RBPMS: variants seen among roughly 807,000 people sequenced by gnomAD.
RBPMS encodes the protein RNA binding protein, mRNA processing factor, also known as RNA-binding protein with multiple splicing.
Under a neutral mutation model 26.8 loss-of-function variants are expected in RBPMS, and 7 were observed. That is an observed-to-expected ratio of 0.26 (90% CI 0.15 to 0.49). The LOEUF (loss-of-function observed/expected upper bound fraction) is 0.49. RBPMS is among the 20% of genes least tolerant of loss of function. RBPMS has a pLI of 0.98. For synonymous variants in RBPMS, 96 were observed against 93.3 expected, an observed-to-expected ratio of 1.03 and a Z score of -0.17; for missense variants, 186 against 250.0, an observed-to-expected ratio of 0.74 and a Z score of 1.73.
At chr8:30,493,497 C>A (rs1389147774) in intron 4 of RBPMS, among the ~76,000 whole-genome samples, 1 of 151,814 alleles carries the variant, frequency 6.6e-6, no homozygotes, top group Admixed American at 6.6e-5. Flanking sequence ...TTATGCCTAC[C>A]AGAGCAGTTG....
chr8:30,449,292 T>C (rs1814253997), intron 1 of RBPMS, among the ~76,000 whole-genome samples: 1 of 152,154 alleles, frequency 6.6e-6, no homozygotes, highest in African/African-American at 2.4e-5. Context: ...TATGTTCAGA[T>C]ATCCTGAAGC....
intron 1 of RBPMS, among the ~76,000 whole-genome samples, chr8:30,445,649 G>GATATATATATATATATAT (rs59580323): frequency 0.037 from 3,974 of 106,736 alleles, 241 homozygotes; most frequent in Non-Finnish European, 0.042. Context: ...TATACACACG[G>GATATATATATATATATAT]ATATATATAT....
intron 5 of RBPMS, among the ~76,000 whole-genome samples, chr8:30,511,485 AAATATATATATATATAT>A (rs1208993838): frequency 0.042 from 255 of 6,144 alleles, 9 homozygotes; most frequent in African/African-American, 0.078. Context: ...AAAAAAAAAA[AAATATATATATATATAT>A]ATATATATAT....
chr8:30,475,814 A>G (rs985667549), intron 2 of RBPMS, among the ~76,000 whole-genome samples: 3 of 152,222 alleles, frequency 2.0e-5, no homozygotes, highest in Non-Finnish European at 2.9e-5. Flanking sequence ...AGAGGGCACC[A>G]TGTCATAAGG....
intron 1 of RBPMS, among the ~76,000 whole-genome samples, chr8:30,446,180 A>G (rs533100253): frequency 4.6e-5 from 7 of 152,290 alleles, no homozygotes; most frequent in Admixed American, 1.3e-4. Flanking sequence ...AGATGATTTT[A>G]TCGTTTTATT....
chr8:30,409,144 C>A (rs1808997053), intron 1 of RBPMS, among the ~76,000 whole-genome samples: 1 of 151,542 alleles, frequency 6.6e-6, no homozygotes, highest in African/African-American at 2.4e-5. Context: ...TCTGTTCTTA[C>A]AAAGCATTCC....
intron 1 of RBPMS, among the ~76,000 whole-genome samples, chr8:30,434,049 G>A (rs1326706942): frequency 1.3e-5 from 2 of 151,964 alleles, no homozygotes; most frequent in Non-Finnish European, 2.9e-5. Context: ...CATGGAAGGC[G>A]GAGCTTGCAG....
At chr8:30,426,532 T>C (rs939325602) in intron 1 of RBPMS, among the ~76,000 whole-genome samples, 1 of 152,166 alleles carries the variant, frequency 6.6e-6, no homozygotes, top group Non-Finnish European at 1.5e-5. Context: ...GCTTGCGTAA[T>C]AGGACCTGAA....
chr8:30,556,086 T>A, intron 6 of RBPMS: 2 of 985,396 alleles, frequency 2.0e-6, no homozygotes, highest in Non-Finnish European at 2.4e-6. Flanking sequence ...CGTGGGTGTC[T>A]GTGGATGCGG....
intron 1 of RBPMS, among the ~76,000 whole-genome samples, chr8:30,421,050 T>G (rs1810720782): frequency 6.6e-6 from 1 of 152,186 alleles, no homozygotes; most frequent in South Asian, 2.1e-4. Context: ...TGCTTTAAAT[T>G]TATTTGTGCT....
intron 5 of RBPMS, among the ~76,000 whole-genome samples, chr8:30,515,659 T>G (rs920202424): frequency 6.6e-6 from 1 of 152,188 alleles, no homozygotes; most frequent in Non-Finnish European, 1.5e-5. Context: ...TAATAAACTT[T>G]TTTTCTTTTT....
intron 5 of RBPMS, among the ~76,000 whole-genome samples, chr8:30,518,674 C>A (rs1041044557): frequency 1.2e-5 from 1 of 83,572 alleles, no homozygotes; most frequent in East Asian, 3.3e-4. Flanking sequence ...GTGATCCGCC[C>A]GGCCAAGCAT....
At chr8:30,385,769 G>C (rs1246439936) in intron 1 of RBPMS, among the ~76,000 whole-genome samples, 1 of 152,204 alleles carries the variant, frequency 6.6e-6, no homozygotes, top group African/African-American at 2.4e-5. Flanking sequence ...AGCAGAGTAA[G>C]AGGGTTAAAA....
At chr8:30,556,805 GTTCT>G (rs1054100323) in intron 6 of RBPMS, 54 of 985,464 alleles carry the variant, frequency 5.5e-5, no homozygotes, top group Middle Eastern at 1.0e-3. Context: ...GTAGGTATGA[GTTCT>G]TTCTTCTCCC....
At chr8:30,542,774 G>T (rs578160268) in intron 5 of RBPMS, among the ~76,000 whole-genome samples, 1 of 152,206 alleles carries the variant, frequency 6.6e-6, no homozygotes, top group Non-Finnish European at 1.5e-5. Flanking sequence ...GGGCTCCCAC[G>T]TGAGTTACTC....
chr8:30,450,535 G>T (rs1814441049), intron 1 of RBPMS, among the ~76,000 whole-genome samples: 1 of 152,148 alleles, frequency 6.6e-6, no homozygotes, highest in African/African-American at 2.4e-5. Context: ...CAGCTCCCAG[G>T]TCATGAGCAA....
intron 4 of RBPMS, among the ~76,000 whole-genome samples, chr8:30,502,955 AT>A (rs374128561): frequency 3.0e-4 from 45 of 152,256 alleles, no homozygotes; most frequent in African/African-American, 1.0e-3. Flanking sequence ...TTTGGTGTTG[AT>A]TAGGTATGCA....
At position 30,544,474 on chromosome 8, in the gene RBPMS, G is replaced by A. The variant is rs376009437; in HGVS notation, c.398-20G>A. ...AGCTGTATGGTAACCACTAACTCTCGCCTTATTCTTTTCTTGCAGATGAGC... is the reference window on the plus strand; with the variant it reads ...AGCTGTATGGTAACCACTAACTCTCACCTTATTCTTTTCTTGCAGATGAGC... On this transcript the variant is annotated intron_variant, in intron 5 of 8. Coordinates refer to ENST00000397323, the MANE Select transcript of RBPMS (RefSeq NM_001008710.3). 22 of 1,611,658 alleles carry A rather than the reference G, an allele frequency of 1.4e-5. No individual in the cohort carries two copies. The highest frequency in any genetic ancestry group is 4.5e-5 in the East Asian group (2 of 44,822).
chr8:30,567,676 T>C (rs1331019574), intron 8 of RBPMS, among the ~76,000 whole-genome samples: 2 of 152,180 alleles, frequency 1.3e-5, no homozygotes, highest in Admixed American at 6.5e-5. Flanking sequence ...GTATCAACAA[T>C]GCAAGGAGCA....
Sources: gnomAD v4.1 joint callset for allele counts (sites outside exome capture counted in the v4.1 genomes callset) on GRCh38, gnomAD v4.1.1 for gene constraint, MANE v1.5 for transcripts, NCBI Gene and HGNC (gene_info 2026-07-23, HGNC 2026-07-21) for gene names.